Variants in GSDMC observed in about 807,000 individuals in gnomAD.
The protein encoded by GSDMC is gasdermin C, also known as gasdermin-C.
In GSDMC, 59 loss-of-function variants were observed where a neutral mutation model predicts 58.0. The ratio of observed to expected loss-of-function variants is 1.02; its 90% CI spans 0.82 to 1.26. The LOEUF is 1.26. Ranked by LOEUF, GSDMC falls within the 50% of genes most tolerant of loss-of-function variation. The probability of loss-of-function intolerance (pLI) is 0.00; values close to 1 mark genes in which losing one functional copy is unlikely to be tolerated. For missense variants in GSDMC, 659 were observed against 598.5 expected (o/e 1.10, Z -1.06); for synonymous variants, 241 against 220.2 (o/e 1.09, Z -0.83).
the GSDMC span, among the ~76,000 whole-genome samples, chr8:129,709,618 A>AGAT: frequency 6.6e-6 from 1 of 151,808 alleles, no homozygotes; most frequent in African/African-American, 2.4e-5. Flanking sequence ...ATAGATAGAT[A>AGAT]GATAGATAGA....
chr8:129,755,185 G>T (rs116437371), intron 6 of GSDMC, among the ~76,000 whole-genome samples: 2,145 of 152,196 alleles, frequency 0.014, 46 homozygotes, highest in African/African-American at 0.049. Flanking sequence ...AACTCTCAAA[G>T]ATCAAGGATA....
the GSDMC span, chr8:129,706,718 C>T: frequency 3.3e-5 from 5 of 152,198 alleles, no homozygotes; most frequent in Non-Finnish European, 7.3e-5. Context: ...CCAAAAAGTT[C>T]ATGGAGGAAA....
chr8:129,714,272 C>G, the GSDMC span, among the ~76,000 whole-genome samples: 1 of 152,206 alleles, frequency 6.6e-6, no homozygotes, highest in African/African-American at 2.4e-5. Context: ...TCATCTGTCC[C>G]ATGATTATTG....
the GSDMC span, among the ~76,000 whole-genome samples, chr8:129,715,755 CT>C: frequency 6.6e-6 from 1 of 152,094 alleles, no homozygotes; most frequent in Non-Finnish European, 1.5e-5. Context: ...AAAAATACCC[CT>C]GGAAGTGGTA....
the GSDMC span, among the ~76,000 whole-genome samples, chr8:129,726,998 A>G: frequency 1.0e-5 from 1 of 95,492 alleles, no homozygotes; most frequent in African/African-American, 4.3e-5. Flanking sequence ...CCCAATACAC[A>G]TACACACACA....
At chr8:129,743,864 T>G (rs2032913438), downstream of GSDMC, among the ~76,000 whole-genome samples, 1 of 152,186 alleles carries the variant, frequency 6.6e-6, no homozygotes, top group Non-Finnish European at 1.5e-5. Flanking sequence ...GTTCAATGAG[T>G]TCTGTCCATG....
intron 8 of GSDMC, 65 bp from the exon 9 acceptor site, chr8:129,751,956 CCTT>C: frequency 1.3e-6 from 2 of 1,527,068 alleles, no homozygotes; most frequent in Non-Finnish European, 1.8e-6. Context: ...AACCTTCTGC[CCTT>C]CTTTCCCTGA....
chr8:129,739,145 T>C, the GSDMC span, among the ~76,000 whole-genome samples: 2 of 152,180 alleles, frequency 1.3e-5, no homozygotes, highest in African/African-American at 2.4e-5. Flanking sequence ...TGGCAAGCCA[T>C]GTGCACGTTC....
Position 129,784,983 on chromosome 8 carries a change from C to T in GSDMC, c.-5+1028G>A, listed in dbSNP as rs181234871. Among the ~76,000 whole-genome samples the T allele has an allele frequency of 3.4e-4, 51 of 152,234 alleles. 1 individual carries two copies. In the East Asian group the frequency reaches 7.1e-3, roughly 21 times the overall value. The stretch of plus-strand genomic sequence containing the variant: ...ATCCCAGCACTTTGGGAGGCTGAGG[C>T]GGGTGGATCAACTGAGGTCAGGAGT... On this transcript the variant is annotated intron_variant, in intron 1 of 13. Transcript: ENST00000276708.
chr8:129,711,888 C>T, the GSDMC span, among the ~76,000 whole-genome samples: 1 of 152,142 alleles, frequency 6.6e-6, no homozygotes, highest in East Asian at 1.9e-4. Context: ...TAAAACGAGG[C>T]ACAATTGGGA....
At chr8:129,780,831 A>T (rs1563816819) in intron 1 of GSDMC, among the ~76,000 whole-genome samples, 2 of 152,230 alleles carry the variant, frequency 1.3e-5, no homozygotes, top group South Asian at 4.1e-4. Flanking sequence ...AAGCAACTAC[A>T]ACTTTCAAGA....
chr8:129,769,418 G>A (rs1290353960), intron 3 of GSDMC, among the ~76,000 whole-genome samples: 1 of 152,136 alleles, frequency 6.6e-6, no homozygotes, highest in African/African-American at 2.4e-5. Context: ...GTTGCTATAA[G>A]AGAATATGAC....
intron 3 of GSDMC, among the ~76,000 whole-genome samples, chr8:129,769,300 C>A (rs1157991681): frequency 1.3e-5 from 2 of 152,158 alleles, no homozygotes; most frequent in Middle Eastern, 3.4e-3. Flanking sequence ...TCATTACATA[C>A]AGGGGAGTAT....
the GSDMC span, among the ~76,000 whole-genome samples, chr8:129,724,807 G>A: frequency 2.6e-5 from 4 of 151,960 alleles, no homozygotes; most frequent in Admixed American, 1.3e-4. Flanking sequence ...GGGGTGGGAG[G>A]GAGCTACCTA....
the GSDMC span, among the ~76,000 whole-genome samples, chr8:129,730,932 T>C: frequency 6.6e-6 from 1 of 152,192 alleles, no homozygotes; most frequent in Non-Finnish European, 1.5e-5. Flanking sequence ...TTCTTTACAG[T>C]AAGTAGACAA....
the GSDMC span, among the ~76,000 whole-genome samples, chr8:129,739,208 G>A: frequency 6.6e-6 from 1 of 152,154 alleles, no homozygotes; most frequent in Non-Finnish European, 1.5e-5. Flanking sequence ...CCCTGAGATG[G>A]GACTGTGCCT....
At chr8:129,711,168 A>G in the GSDMC span, among the ~76,000 whole-genome samples, 1 of 152,238 alleles carries the variant, frequency 6.6e-6, no homozygotes, top group African/African-American at 2.4e-5. Context: ...GACAGGTGGT[A>G]TGCTAAGCTC....
At chr8:129,725,478 G>A in the GSDMC span, among the ~76,000 whole-genome samples, 2 of 152,160 alleles carry the variant, frequency 1.3e-5, no homozygotes, top group Non-Finnish European at 2.9e-5. Flanking sequence ...CCCCCCTCCA[G>A]AGCCAGGGAG....
At chr8:129,733,975 C>G in the GSDMC span, among the ~76,000 whole-genome samples, 1 of 152,098 alleles carries the variant, frequency 6.6e-6, no homozygotes, top group African/African-American at 2.4e-5. Context: ...GTAGAGAACA[C>G]CTTAAATGAC....
Sources: gnomAD v4.1 joint callset for allele counts (sites outside exome capture counted in the v4.1 genomes callset) on GRCh38, gnomAD v4.1.1 for gene constraint, MANE v1.5 for transcripts, NCBI Gene and HGNC (gene_info 2026-07-23, HGNC 2026-07-21) for gene names.